CABIN1: variants seen among roughly 807,000 people sequenced by gnomAD.
CABIN1 encodes the protein calcineurin binding protein 1.
Under a neutral mutation model 227.7 loss-of-function variants are expected in CABIN1, and 133 were observed. The observed-to-expected ratio is 0.58, with a 90% CI of 0.51 to 0.67. The LOEUF is 0.67. Ranked by LOEUF, CABIN1 falls within the 30% of genes least tolerant of loss-of-function variation. The pLI, the probability that CABIN1 is intolerant of heterozygous loss-of-function variation, is 0.00. For missense variants in CABIN1, 2,408 were observed against 2,852.5 expected (o/e 0.84, Z 3.55); for synonymous variants, 1,086 against 1,155.1 (o/e 0.94, Z 1.21).
intron 18 of CABIN1, among the ~76,000 whole-genome samples, chr22:24,073,275 A>G (rs2040221476): frequency 6.6e-6 from 1 of 151,632 alleles, no homozygotes; most frequent in Non-Finnish European, 1.5e-5. Context: ...GTTTTCTTGC[A>G]TTTGCTGTCC....
At chr22:24,112,692 T>A (rs977512202) in intron 26 of CABIN1, among the ~76,000 whole-genome samples, 26 of 152,180 alleles carry the variant, frequency 1.7e-4, no homozygotes, top group African/African-American at 6.3e-4. Flanking sequence ...ATTCTGCCCG[T>A]CCTTCAGTGG....
chr22:24,157,287 C>T (rs2045889855), intron 29 of CABIN1, among the ~76,000 whole-genome samples: 1 of 152,274 alleles, frequency 6.6e-6, no homozygotes, highest in East Asian at 1.9e-4. Flanking sequence ...CTCCTCAGGG[C>T]ATCAGGAAGA....
Position 24,177,968 on chromosome 22 carries a change from C to G in CABIN1, c.6520-85C>G. The G allele has an allele frequency of 3.1e-6, 5 of 1,597,126 alleles. No homozygotes were observed. In the South Asian group the frequency reaches 4.4e-5, roughly 14 times the overall value. On this transcript the variant is annotated intron_variant, in intron 36 of 36. Coordinates refer to ENST00000263119, the MANE Select transcript of CABIN1 (RefSeq NM_012295.4). This position sits in a 1 kb window ranked among gnomAD's most constrained non-coding sequence, Gnocchi z 4.4. ...GGCAGGGGTGAGGGTGGGAGGGGGG[C>G]CTGGGGCAGGGGTGAAGGTGGCAGA...
Position 24,084,692 on chromosome 22 carries a change from A to C in CABIN1, c.3024A>C (p.Leu1008=). ...CCGTGTCTGCTGACTTGGCCAACCT[A>C]CTGAAGAGAATTGCCACCATTGTGC... ...TSTVSADLAN[L]LKRIATIVPR... The change falls in exon 21 of 37, where the codon CTA becomes CTC. Residue 1008 remains leucine (L), a synonymous_variant. Transcript: ENST00000263119. The C allele has an allele frequency of 6.2e-7, 1 of 1,614,106 alleles. No homozygotes were observed. The highest frequency in any genetic ancestry group is 8.5e-7 in the Non-Finnish European group (1 of 1,180,022).
intron 26 of CABIN1, chr22:24,102,249 T>G (rs1478688611): frequency 6.6e-6 from 1 of 152,262 alleles, no homozygotes; most frequent in Non-Finnish European, 1.5e-5. Flanking sequence ...CAGAATGGCT[T>G]GGTTCGTCAC....
At chr22:24,126,517 G>C (rs1405882129) in intron 28 of CABIN1, among the ~76,000 whole-genome samples, 1 of 151,908 alleles carries the variant, frequency 6.6e-6, no homozygotes, top group East Asian at 1.9e-4. Flanking sequence ...GCTGGAAGCT[G>C]GTGTGACTAG....
rs1569104889 is a variant in CABIN1 at position 24,038,441 on chromosome 22, G to C, written c.190G>C (p.Glu64Gln). ...TGCCAAAGCCTACCATGAGCTCTTG[G>C]AGGCGAGCCTGCTGCGGGAGGTGAG... ...ESAKAYHELL[E>Q]ASLLREAVSS... Residue 64 changes from glutamate (E) to glutamine (Q), a missense_variant, in exon 4 of 37, where the codon GAG becomes CAG. Glu to Gln is a conservative substitution (Grantham distance 29, BLOSUM62 2). Transcript: ENST00000263119. 6.2e-7 allele frequency: 1 copy of C among 1,613,532 alleles called. No homozygotes were observed. The highest frequency in any genetic ancestry group is 8.5e-7 in the Non-Finnish European group (1 of 1,179,808).
At position 24,068,644 on chromosome 22, in the gene CABIN1, T is replaced by C. The variant is rs2267055; in HGVS notation, c.2232+1463T>C. Among the ~76,000 whole-genome samples, 35 of 152,372 alleles carry C rather than the reference T, an allele frequency of 2.3e-4. No individual in the cohort carries two copies. The East Asian group carries it at 6.0e-3, about 26-fold the overall frequency. On this transcript the variant is annotated intron_variant, in intron 16 of 36. Coordinates refer to ENST00000263119, the MANE Select transcript of CABIN1 (RefSeq NM_012295.4). Reference sequence around the variant, plus strand: ...GTATTGAGAGTGTTTTCTTATTGATTTGGAGTGCTTTTTTTTGTATATTAA... The same window carrying C: ...GTATTGAGAGTGTTTTCTTATTGATCTGGAGTGCTTTTTTTTGTATATTAA...
At chr22:24,053,331 C>T (rs1182568672) in intron 8 of CABIN1, among the ~76,000 whole-genome samples, 1 of 151,814 alleles carries the variant, frequency 6.6e-6, no homozygotes, top group African/African-American at 2.4e-5. Flanking sequence ...CCGCCTCGGC[C>T]TCCCAAAGTA....
intron 18 of CABIN1, among the ~76,000 whole-genome samples, chr22:24,075,899 GGGCT>G (rs2040407649): frequency 6.6e-6 from 1 of 152,040 alleles, no homozygotes; most frequent in South Asian, 2.1e-4. Flanking sequence ...GGTTCTCTCT[GGGCT>G]GGTATTTTGA....
intron 29 of CABIN1, among the ~76,000 whole-genome samples, chr22:24,145,952 A>T (rs1269246142): frequency 6.6e-6 from 1 of 152,202 alleles, no homozygotes; most frequent in African/African-American, 2.4e-5. Flanking sequence ...CTGGCTGGTG[A>T]GGAAATGGGC....
At chr22:24,031,951 T>C (rs1165972796) in intron 1 of CABIN1, among the ~76,000 whole-genome samples, 6 of 152,204 alleles carry the variant, frequency 3.9e-5, no homozygotes, top group Non-Finnish European at 7.3e-5. Context: ...ACTATTCTAT[T>C]GATTGTTTAC....
At chr22:24,098,346 G>T in intron 26 of CABIN1, 154 bp downstream of exon 26, 1 of 1,440,172 alleles carries the variant, frequency 6.9e-7, no homozygotes, top group South Asian at 1.2e-5. Context: ...TAACCTCATG[G>T]ATTCACAGTG....
chr22:24,117,566 T>A (rs1248735212), intron 27 of CABIN1, among the ~76,000 whole-genome samples: 2 of 151,300 alleles, frequency 1.3e-5, no homozygotes, highest in African/African-American at 4.9e-5. Context: ...TTAGGTTTAA[T>A]AGGCAAAAGA....
intron 1 of CABIN1, among the ~76,000 whole-genome samples, chr22:24,024,357 T>G (rs1198604941): frequency 6.6e-6 from 1 of 152,220 alleles, no homozygotes; most frequent in African/African-American, 2.4e-5. Flanking sequence ...GGTGTCATGC[T>G]TAAGAGGCTA....
At chr22:24,053,321 C>G (rs1329622578) in intron 8 of CABIN1, among the ~76,000 whole-genome samples, 7 of 151,604 alleles carry the variant, frequency 4.6e-5, no homozygotes, top group Non-Finnish European at 1.0e-4. Context: ...TGTGATCTGC[C>G]CGCCTCGGCC....
intron 29 of CABIN1, among the ~76,000 whole-genome samples, chr22:24,149,208 G>A (rs1041738174): frequency 6.6e-5 from 10 of 152,190 alleles, no homozygotes; most frequent in Admixed American, 1.3e-4. Context: ...CTGTGAGCCC[G>A]GTGAGGATCA....
At chr22:24,164,308 C>G in intron 29 of CABIN1, 92 bp from the exon 30 acceptor site, 1 of 1,522,074 alleles carries the variant, frequency 6.6e-7, no homozygotes. Context: ...CCCTTTGGCA[C>G]TGTGGCAGTT....
chr22:24,056,630 A>G (rs951470138), intron 10 of CABIN1: 8 of 467,346 alleles, frequency 1.7e-5, no homozygotes, highest in South Asian at 1.5e-4. Flanking sequence ...GTCCCTGTGT[A>G]TTTACAAGAC....
Sources: gnomAD v4.1 joint callset for allele counts (sites outside exome capture counted in the v4.1 genomes callset) on GRCh38, gnomAD v4.1.1 for gene constraint, Gnocchi (gnomAD v3.1) non-coding constraint, MANE v1.5 for transcripts, NCBI Gene and HGNC (gene_info 2026-07-23, HGNC 2026-07-21) for gene names.